DSN1: variants seen among roughly 807,000 people sequenced by gnomAD.
DSN1 encodes the protein DSN1 component of MIS12 kinetochore complex.
In DSN1, 31 loss-of-function variants were observed where a neutral mutation model predicts 45.7. That is an observed-to-expected ratio of 0.68 (90% CI 0.51 to 0.92). The LOEUF is 0.92. Among genes scored for constraint, DSN1 ranks in the 40% least tolerant of loss-of-function variants. The pLI, the probability that DSN1 is intolerant of heterozygous loss-of-function variation, is 0.00. For synonymous variants in DSN1, 134 were observed against 142.3 expected, an observed-to-expected ratio of 0.94 and a Z score of 0.41; for missense variants, 394 against 414.2, an observed-to-expected ratio of 0.95 and a Z score of 0.42.
intron 5 of DSN1, among the ~76,000 whole-genome samples, chr20:36,762,866 C>T (rs6102136): frequency 0.13 from 20,136 of 152,022 alleles, 1,427 homozygotes; most frequent in Admixed American, 0.23. Context: ...ATATAACCCC[C>T]GCCTCAGCCT....
Position 36,768,033 on chromosome 20 carries a change from C to T in DSN1, c.365G>A (p.Arg122Gln), listed in dbSNP as rs780232179. The T allele has an allele frequency of 1.4e-5, 23 of 1,613,912 alleles. No homozygotes were observed. Among genetic ancestry groups the T allele is most frequent in the East Asian group, 6.7e-5 (3 of 44,892 alleles). ...TTCTGCTAAATCGACACTGATAGACCGGCTGAGCTCTAACATAAAACATAG... is the reference window on the plus strand; with the variant it reads ...TTCTGCTAAATCGACACTGATAGACTGGCTGAGCTCTAACATAAAACATAG... Reference protein sequence around the residue: ...PIHQGITELSRSISVDLAESK... With the variant: ...PIHQGITELSQSISVDLAESK... Residue 122 changes from arginine (R) to glutamine (Q), a missense_variant, in exon 4 of 11, where the codon CGG becomes CAG. By Grantham distance (43) the Arg-to-Gln change is conservative. Transcript: ENST00000373750.
At chr20:36,761,956 C>A (rs1225754705) in intron 6 of DSN1, among the ~76,000 whole-genome samples, 1 of 151,662 alleles carries the variant, frequency 6.6e-6, no homozygotes, top group Non-Finnish European at 1.5e-5. Context: ...TTGCAGTAAG[C>A]CAAGATTGCA....
At chr20:36,754,987 TG>T in intron 9 of DSN1, 137 bp from the exon 10 acceptor site, 1 of 694,018 alleles carries the variant, frequency 1.4e-6, no homozygotes, top group Non-Finnish European at 2.4e-6. Flanking sequence ...CAGATAATTC[TG>T]TTTGTTCCTC....
intron 6 of DSN1, among the ~76,000 whole-genome samples, chr20:36,759,606 C>T (rs1986862856): frequency 6.6e-6 from 1 of 151,904 alleles, no homozygotes; most frequent in East Asian, 2.0e-4. Flanking sequence ...GCCTCAGCCT[C>T]CCGAGTAGCT....
chr20:36,762,398 C>T, intron 6 of DSN1, 63 bp downstream of exon 6: 3 of 1,483,184 alleles, frequency 2.0e-6, no homozygotes, highest in South Asian at 1.2e-5. Context: ...GCCTGAGCCA[C>T]CAACGCCCGG....
At chr20:36,755,234 C>T (rs1986606192) in intron 9 of DSN1, among the ~76,000 whole-genome samples, 1 of 152,140 alleles carries the variant, frequency 6.6e-6, no homozygotes, top group Non-Finnish European at 1.5e-5. Context: ...CAGGTTACTC[C>T]ACTAACCCTT....
intron 8 of DSN1, among the ~76,000 whole-genome samples, 153 bp from the exon 9 acceptor site, chr20:36,755,982 G>GT (rs1210015006): frequency 6.6e-5 from 10 of 150,830 alleles, no homozygotes; most frequent in Non-Finnish European, 7.4e-5. Flanking sequence ...TTGTTTGTTT[G>GT]TTTGTTTTTG....
chr20:36,756,437 A>G (rs1267855422), intron 8 of DSN1, among the ~76,000 whole-genome samples: 2 of 152,188 alleles, frequency 1.3e-5, no homozygotes, highest in African/African-American at 4.8e-5. Flanking sequence ...AAAGCTTACT[A>G]TCCTAAAGTC....
At chr20:36,759,638 C>T (rs1474195055) in intron 6 of DSN1, among the ~76,000 whole-genome samples, 1 of 151,812 alleles carries the variant, frequency 6.6e-6, no homozygotes, top group Non-Finnish European at 1.5e-5. Context: ...CGCCCGCCAC[C>T]ACACCCGGCT....
Position 36,758,544 on chromosome 20 carries a change from A to G in DSN1, c.650+14T>C, listed in dbSNP as rs773268434. The G allele has an allele frequency of 1.3e-6, 2 of 1,590,724 alleles. No homozygotes were observed. Among genetic ancestry groups the G allele is most frequent in the Non-Finnish European group, 8.5e-7 (1 of 1,172,060 alleles). The stretch of plus-strand genomic sequence containing the variant: ...GGAGAACGAATTTAGATTTTCTAAC[A>G]AAGGTTAACTTACTTTGTTATGTAT... On this transcript the variant is annotated intron_variant, in intron 7 of 10. Coordinates refer to ENST00000373750, the MANE Select transcript of DSN1 (RefSeq NM_001145315.2).
intron 9 of DSN1, 90 bp downstream of exon 9, chr20:36,755,592 A>G (rs1437482121): frequency 2.7e-6 from 4 of 1,466,460 alleles, no homozygotes; most frequent in African/African-American, 2.8e-5. Context: ...TTCAACTTAC[A>G]CTTATACATT....
intron 5 of DSN1, among the ~76,000 whole-genome samples, chr20:36,763,613 G>A (rs906683060): frequency 3.3e-5 from 5 of 151,560 alleles, no homozygotes; most frequent in African/African-American, 1.2e-4. Flanking sequence ...ACCAGGCTGG[G>A]CGCAGTGGCT....
rs1171497939 is a variant in DSN1 at position 36,758,739 on chromosome 20, G to A, written c.591-122C>T. On this transcript the variant is annotated intron_variant, in intron 6 of 10. Coordinates refer to ENST00000373750, the MANE Select transcript of DSN1 (RefSeq NM_001145315.2). ...TTTCCCTCTTGTTGCCCAGGCTGGA[G>A]TGCAATGGCACAATCTTGGCTCTCT... The A allele has an allele frequency of 2.9e-5, 26 of 908,394 alleles. 1 individual carries two copies. Among genetic ancestry groups the A allele is most frequent in the Non-Finnish European group, 4.0e-5 (25 of 618,370 alleles). The allele number at this position is 908,394 out of a possible 1,614,324, so 56.3% of individuals were successfully genotyped here.
intron 10 of DSN1, among the ~76,000 whole-genome samples, chr20:36,753,180 CAA>C (rs1385083412): frequency 3.6e-5 from 3 of 83,082 alleles, no homozygotes; most frequent in Non-Finnish European, 5.3e-5. Flanking sequence ...CTTGTCTCTA[CAA>C]AAAAAAAAAA....
In DSN1 at chr20:36,755,756, C is replaced by A. The variant is rs1002433550; in HGVS notation, c.799G>T (p.Val267Phe). Residue 267 changes from valine (V) to phenylalanine (F), a missense_variant, in exon 9 of 11, where the codon GTT becomes TTT. By Grantham distance (50) the Val-to-Phe change is conservative. Coordinates refer to ENST00000373750, the MANE Select transcript of DSN1 (RefSeq NM_001145315.2). ...MTYLGSSQNE[V>F]LNTKPDYQKI... The stretch of plus-strand genomic sequence containing the variant: ...TGGTAGTCAGGTTTTGTATTAAGAA[C>A]TTCATTCTGAGAAGACCCAAGATAT... 4 of 1,613,948 alleles carry A rather than the reference C, an allele frequency of 2.5e-6. No individual in the cohort carries two copies. The highest frequency in any genetic ancestry group is 2.7e-5 in the African/African-American group (2 of 74,906).
rs33998027 is a variant in DSN1 at position 36,765,247 on chromosome 20, TA to T, written c.502+1521del. On this transcript the variant is annotated intron_variant, in intron 5 of 10. Transcript: ENST00000373750. ...TGCATACGTGCCAAAAGGCTTGTGT[TA>T]AAAAAAAAAAAAAAAAAAAAAAAAA... Among the ~76,000 whole-genome samples, 407 of 75,274 alleles carry T rather than the reference TA, an allele frequency of 5.4e-3. 1 individual carries two copies. The highest frequency in any genetic ancestry group is 7.1e-3 in the Non-Finnish European group (309 of 43,820). 49.4% of individuals were successfully genotyped at this position (75,274 alleles called of 152,430 possible). A position where few individuals can be genotyped will look rare whatever the true frequency, so the allele number is the denominator to read the frequency against.
At chr20:36,764,854 A>G (rs1385103352) in intron 5 of DSN1, among the ~76,000 whole-genome samples, 1 of 151,640 alleles carries the variant, frequency 6.6e-6, no homozygotes, top group Admixed American at 6.6e-5. Flanking sequence ...CAGGAGGTGG[A>G]GGTTGCAGTG....
chr20:36,754,824 T>C lies in DSN1; in HGVS notation c.900A>G (p.Lys300=), dbSNP rs1458265798. The change falls in exon 10 of 11, where the codon AAA becomes AAG. Residue 300 remains lysine (K), a synonymous_variant. Transcript: ENST00000373750. ...TTTCATCCATAAAGGCCTGCAGCTG[T>C]TTCACTGATCCTTGCAGTTCATCCA... The part of the protein sequence containing the change: ...LVMDELQGSV[K]QLQAFMDEST... 1.2e-6 allele frequency: 2 copies of C among 1,613,768 alleles called. No individual in the cohort carries two copies. The highest frequency in any genetic ancestry group is 2.7e-5 in the African/African-American group (2 of 74,884).
intron 8 of DSN1, among the ~76,000 whole-genome samples, chr20:36,756,927 C>CT (rs1986707006): frequency 6.6e-6 from 1 of 152,188 alleles, no homozygotes; most frequent in Non-Finnish European, 1.5e-5. Flanking sequence ...AACCATGCTC[C>CT]TCAAAGCCCC....
Sources: gnomAD v4.1 joint callset for allele counts (sites outside exome capture counted in the v4.1 genomes callset) on GRCh38, gnomAD v4.1.1 for gene constraint, MANE v1.5 for transcripts, NCBI Gene and HGNC (gene_info 2026-07-23, HGNC 2026-07-21) for gene names.